Variants in GRID2 observed in about 807,000 individuals in gnomAD.
GRID2 encodes glutamate receptor ionotropic, delta-2.
Under a neutral mutation model 114.8 loss-of-function variants are expected in GRID2, and 33 were observed. That is an observed-to-expected ratio of 0.29 (90% confidence interval 0.22 to 0.38). The LOEUF (loss-of-function observed/expected upper bound fraction) is 0.38, where lower values mean the gene tolerates loss of function less well. Ranked by LOEUF, GRID2 falls within the 10% of genes least tolerant of loss-of-function variation. The pLI is 1.00. For synonymous variants in GRID2, 505 were observed against 449.9 expected, an observed-to-expected ratio of 1.12 and a Z score of -1.55; for missense variants, 1,184 against 1,257.7, an observed-to-expected ratio of 0.94 and a Z score of 0.89.
At chr4:93,306,002 T>C (rs926327388) in intron 8 of GRID2, 2 of 152,198 alleles carry the variant, frequency 1.3e-5, no homozygotes, top group African/African-American at 2.4e-5. Flanking sequence ...CATAACTAAA[T>C]TACCTCAACA....
At chr4:92,709,407 C>A (rs762943846) in intron 2 of GRID2, among the ~76,000 whole-genome samples, 2 of 151,594 alleles carry the variant, frequency 1.3e-5, no homozygotes, top group Admixed American at 6.6e-5. Flanking sequence ...ATAAAAAGTT[C>A]TTGTCTCAAA....
At chr4:92,614,853 G>T (rs1729929670) in intron 2 of GRID2, among the ~76,000 whole-genome samples, 1 of 150,696 alleles carries the variant, frequency 6.6e-6, no homozygotes, top group Non-Finnish European at 1.5e-5. Flanking sequence ...ATCTAGATTT[G>T]CCTCGCATAT....
chr4:92,668,373 T>C (rs1312815066), intron 2 of GRID2, among the ~76,000 whole-genome samples: 1 of 151,800 alleles, frequency 6.6e-6, no homozygotes, highest in Non-Finnish European at 1.5e-5. Context: ...TATGAGGTTA[T>C]TTAAGCTACT....
Position 92,975,217 on chromosome 4 carries a change from A to G in GRID2, c.245-109778A>G, listed in dbSNP as rs774732712. 4.1e-5 allele frequency among the ~76,000 whole-genome samples: 6 copies of G among 147,552 alleles called. No individual in the cohort carries two copies. The East Asian group carries it at 1.2e-3, about 30-fold the overall frequency. ...TCTAGCTTATTATTTATATATGTGC[A>G]TATATATAATATGTTGAGCAAGTAG... On this transcript the variant is annotated intron_variant, in intron 2 of 15. Transcript: ENST00000282020.
chr4:92,387,379 G>T (rs775625553), intron 1 of GRID2, among the ~76,000 whole-genome samples: 1 of 151,892 alleles, frequency 6.6e-6, no homozygotes, highest in Non-Finnish European at 1.5e-5. Context: ...CAGCATCTAT[G>T]CATAAAATAA....
chr4:92,422,365 C>T (rs1198306502), intron 1 of GRID2, among the ~76,000 whole-genome samples: 1 of 152,098 alleles, frequency 6.6e-6, no homozygotes, highest in Non-Finnish European at 1.5e-5. Context: ...TAGGAGTCCA[C>T]TGGAGAGTTT....
chr4:93,558,427 T>C (rs998996337), intron 13 of GRID2, among the ~76,000 whole-genome samples: 5 of 152,084 alleles, frequency 3.3e-5, no homozygotes, highest in African/African-American at 9.7e-5. Flanking sequence ...CCCACAGAAA[T>C]ACAAACTACC....
At chr4:92,406,876 C>T (rs1214558367) in intron 1 of GRID2, among the ~76,000 whole-genome samples, 1 of 151,900 alleles carries the variant, frequency 6.6e-6, no homozygotes, top group Non-Finnish European at 1.5e-5. Context: ...CTGCAAAGGG[C>T]ATGATTTTGT....
At chr4:93,358,580 A>G (rs1579806551) in intron 8 of GRID2, among the ~76,000 whole-genome samples, 1 of 152,158 alleles carries the variant, frequency 6.6e-6, no homozygotes, top group East Asian at 1.9e-4. Context: ...CCATAATGCA[A>G]TAACTCTAGA....
chr4:93,189,561 A>AT (rs905346088), intron 4 of GRID2, among the ~76,000 whole-genome samples: 1 of 151,948 alleles, frequency 6.6e-6, no homozygotes, highest in Non-Finnish European at 1.5e-5. Context: ...CCATCTAAAC[A>AT]TTTTTTTCTA....
intron 3 of GRID2, among the ~76,000 whole-genome samples, chr4:93,085,938 A>C (rs1730296039): frequency 6.6e-6 from 1 of 152,216 alleles, no homozygotes; most frequent in Non-Finnish European, 1.5e-5. Context: ...GCTTTGTCTC[A>C]GTATATTTAC....
intron 14 of GRID2, among the ~76,000 whole-genome samples, chr4:93,704,415 G>T (rs1727807250): frequency 6.6e-6 from 1 of 152,024 alleles, no homozygotes; most frequent in Non-Finnish European, 1.5e-5. Flanking sequence ...CAGATGAGTA[G>T]GTTGCAAAAA....
chr4:93,581,101 C>T (rs1266307870), intron 13 of GRID2, among the ~76,000 whole-genome samples: 1 of 149,126 alleles, frequency 6.7e-6, no homozygotes, highest in African/African-American at 2.5e-5. Context: ...CCCTAGTCCC[C>T]CACCCCCCAA....
At chr4:93,042,275 TTCTCTC>T (rs533042666) in intron 2 of GRID2, among the ~76,000 whole-genome samples, 2,479 of 125,550 alleles carry the variant, frequency 0.02, 45 homozygotes, top group African/African-American at 0.047. Context: ...CTCTCTCTCT[TTCTCTC>T]TCTCTCTCTC....
At chr4:93,657,008 C>T (rs1306520936) in intron 14 of GRID2, among the ~76,000 whole-genome samples, 1 of 151,474 alleles carries the variant, frequency 6.6e-6, no homozygotes, top group Non-Finnish European at 1.5e-5. Context: ...GGTTTACTGC[C>T]CTAGAGGGAA....
chr4:93,509,453 A>G (rs992937838), intron 12 of GRID2, among the ~76,000 whole-genome samples: 1 of 152,208 alleles, frequency 6.6e-6, no homozygotes, highest in African/African-American at 2.4e-5. Flanking sequence ...AGTAATCATC[A>G]TAATAACATC....
chr4:93,390,781 A>G (rs1228875548), intron 8 of GRID2, among the ~76,000 whole-genome samples: 2 of 152,102 alleles, frequency 1.3e-5, no homozygotes, highest in Non-Finnish European at 2.9e-5. Context: ...ACATATGTGT[A>G]TATAGACATA....
At chr4:92,922,149 G>A (rs1749404981) in intron 2 of GRID2, among the ~76,000 whole-genome samples, 2 of 152,220 alleles carry the variant, frequency 1.3e-5, no homozygotes, top group South Asian at 4.1e-4. Context: ...TCTGAGCCAG[G>A]TGCGGGATAT....
rs1414886710 is a variant in GRID2 at position 92,937,380 on chromosome 4, G to T, written c.245-147615G>T. 1.4e-5 allele frequency among the ~76,000 whole-genome samples: 2 copies of T among 146,428 alleles called. 1 individual carries two copies. The highest frequency in any genetic ancestry group is 4.3e-4 in the East Asian group (2 of 4,604). On this transcript the variant is annotated intron_variant, in intron 2 of 15. Transcript: ENST00000282020. ...TAATTATTTATATGATGTGAGGTAG[G>T]AGTCCAACTTCATTCTTCTGTGTGT...
Sources: allele counts gnomAD v4.1 joint callset (sites outside exome capture counted in the v4.1 genomes callset), GRCh38; gene constraint gnomAD v4.1.1; transcripts MANE v1.5; gene names NCBI Gene and HGNC (gene_info 2026-07-23, HGNC 2026-07-21).